Variants in SVIL observed in about 807,000 individuals in gnomAD.
SVIL encodes the protein archvillin.
A neutral mutation model predicts 240.4 loss-of-function variants in SVIL; 101 were observed. The ratio of observed to expected loss-of-function variants is 0.42; its 90% CI spans 0.36 to 0.50. SVIL has a LOEUF of 0.50. Among genes scored for constraint, SVIL ranks in the 20% least tolerant of loss-of-function variants. The pLI is 0.01. For synonymous variants in SVIL, 999 were observed against 1,100.0 expected (o/e 0.91, Z 1.82); for missense variants, 2,512 against 2,818.7 (o/e 0.89, Z 2.46).
chr10:29,624,555 G>A (rs559557409), intron 1 of SVIL, among the ~76,000 whole-genome samples: 3 of 151,944 alleles, frequency 2.0e-5, no homozygotes, highest in African/African-American at 4.8e-5. Flanking sequence ...AACAAAAAAC[G>A]CCTGCTCAAC....
chr10:29,546,665 T>C (rs1440507607), intron 6 of SVIL, among the ~76,000 whole-genome samples: 1 of 152,234 alleles, frequency 6.6e-6, no homozygotes, highest in East Asian at 1.9e-4. Context: ...GTGAGCACAT[T>C]CAAAAACTGA....
intron 1 of SVIL, among the ~76,000 whole-genome samples, chr10:29,598,488 G>C (rs1956683102): frequency 6.6e-6 from 1 of 152,206 alleles, no homozygotes; most frequent in Non-Finnish European, 1.5e-5. Context: ...GTGTGGGACT[G>C]AGGACCAAAA....
At chr10:29,594,194 AAGAATTTGGTGTTTAG>A (rs1302993991) in intron 1 of SVIL, among the ~76,000 whole-genome samples, 2 of 152,234 alleles carry the variant, frequency 1.3e-5, no homozygotes, top group African/African-American at 2.4e-5. Context: ...TGAAACATAA[AAGAATTTGGTGTTTAG>A]ACATCAGTCC....
At position 29,515,732 on chromosome 10, in the gene SVIL, C is replaced by T. The variant is rs182730956; in HGVS notation, c.3390-2871G>A. On this transcript the variant is annotated intron_variant, in intron 16 of 37. Coordinates refer to ENST00000355867, the MANE Select transcript of SVIL (RefSeq NM_021738.3). Reference sequence around the variant, plus strand: ...TTCCTGAGTTGAGTTCATTAAAAGTCATGAGCTCTGGTCTTTGAAGACCTT... The same window carrying T: ...TTCCTGAGTTGAGTTCATTAAAAGTTATGAGCTCTGGTCTTTGAAGACCTT... 3.5e-3 allele frequency among the ~76,000 whole-genome samples: 538 copies of T among 152,284 alleles called. 5 individuals are homozygous for T. The highest frequency in any genetic ancestry group is 0.012 in the African/African-American group (493 of 41,556).
intron 32 of SVIL, among the ~76,000 whole-genome samples, chr10:29,469,647 C>T (rs748008809): frequency 4.6e-5 from 7 of 152,218 alleles, no homozygotes; most frequent in South Asian, 2.1e-4. Flanking sequence ...ACTGCCCTTC[C>T]GGTTCCCCTC....
Position 29,484,935 on chromosome 10 carries a change from CAG to C in SVIL, c.4780-106_4780-105del. The stretch of plus-strand genomic sequence containing the variant: ...TGACAGTGAGTCAAACGGAGGAAGA[CAG>C]AAATCCTAACGGGGCGACCAACACA... On this transcript the variant is annotated intron_variant, in intron 26 of 37. Coordinates refer to ENST00000355867, the MANE Select transcript of SVIL (RefSeq NM_021738.3). This position sits in a 1 kb window ranked among gnomAD's most constrained non-coding sequence, Gnocchi z 4.7. The C allele has an allele frequency of 1.6e-6, 2 of 1,272,326 alleles. No homozygotes were observed. 78.8% of individuals were successfully genotyped at this position (1,272,326 alleles called of 1,614,324 possible).
In SVIL at chr10:29,458,247, T is replaced by C. The variant is rs749516134; in HGVS notation, c.6645A>G (p.Ter2215TrpextTer42). The change falls in exon 38 of 38, where the codon TGA becomes TGG. Residue 2215 changes from the stop codon to tryptophan (W), a stop_lost. Coordinates refer to ENST00000355867, the MANE Select transcript of SVIL (RefSeq NM_021738.3). ...TGAGGCTCCTCTGGCGTCTCCCCAC[T>C]CAGAACAGGCCTTTTGCTTTCTTCA... ...VNLKKAKGLF[*>W] The C allele has an allele frequency of 6.2e-7, 1 of 1,614,118 alleles. No individual in the cohort carries two copies. Among genetic ancestry groups the C allele is most frequent in the Non-Finnish European group, 8.5e-7 (1 of 1,179,992 alleles).
At chr10:29,496,807 A>C (rs1948481833) in intron 18 of SVIL, among the ~76,000 whole-genome samples, 1 of 152,258 alleles carries the variant, frequency 6.6e-6, no homozygotes, top group South Asian at 2.1e-4. Context: ...GTAAGAACCC[A>C]CTTACAAATA....
At chr10:29,681,796 G>A (rs1007940095) in intron 2 of SVIL, among the ~76,000 whole-genome samples, 1 of 152,168 alleles carries the variant, frequency 6.6e-6, no homozygotes, top group Non-Finnish European at 1.5e-5. Flanking sequence ...TAGGCACATT[G>A]CAATAAGGCT....
At chr10:29,535,123 T>C (rs145540055) in intron 7 of SVIL, among the ~76,000 whole-genome samples, 1 of 152,336 alleles carries the variant, frequency 6.6e-6, no homozygotes, top group East Asian at 1.9e-4. Flanking sequence ...CCTATATATT[T>C]TTTTTAACGT....
At chr10:29,501,208 G>A (rs1948864155) in intron 17 of SVIL, among the ~76,000 whole-genome samples, 1 of 145,766 alleles carries the variant, frequency 6.9e-6, no homozygotes, top group East Asian at 2.0e-4. Context: ...GATGGGGTGG[G>A]GGCTACAAAG....
At chr10:29,686,762 G>T (rs1390583060) in intron 1 of SVIL, 1 of 152,140 alleles carries the variant, frequency 6.6e-6, no homozygotes, top group South Asian at 2.1e-4. Context: ...TGGAAATACC[G>T]CACTGCTTCT....
chr10:29,571,838 G>A (rs1385998911), intron 1 of SVIL, among the ~76,000 whole-genome samples: 1 of 152,194 alleles, frequency 6.6e-6, no homozygotes. Flanking sequence ...AGGGCTAGAC[G>A]AGTAGCTTGC....
intron 1 of SVIL, among the ~76,000 whole-genome samples, chr10:29,731,966 G>A (rs1162382967): frequency 6.6e-6 from 1 of 152,216 alleles, no homozygotes; most frequent in Non-Finnish European, 1.5e-5. Flanking sequence ...TTCATCTTCC[G>A]TACAATGGAA....
intron 1 of SVIL, among the ~76,000 whole-genome samples, chr10:29,610,563 G>A (rs1336114922): frequency 2.0e-5 from 3 of 151,258 alleles, no homozygotes; most frequent in Non-Finnish European, 4.4e-5. Flanking sequence ...CAGTTCTCCA[G>A]GCATGCTCCA....
At chr10:29,734,457 T>C (rs1964784635) in intron 1 of SVIL, among the ~76,000 whole-genome samples, 1 of 152,218 alleles carries the variant, frequency 6.6e-6, no homozygotes, top group African/African-American at 2.4e-5. Context: ...GGCAGACTCT[T>C]GGATCTGTTA....
At chr10:29,604,336 A>AT (rs1174079102) in intron 1 of SVIL, among the ~76,000 whole-genome samples, 1 of 113,388 alleles carries the variant, frequency 8.8e-6, no homozygotes, top group East Asian at 3.0e-4. Flanking sequence ...AGTAGCTGGG[A>AT]TTACAGGCAT....
Position 29,660,099 on chromosome 10 carries a change from G to T in SVIL, c.-300-2031C>A, listed in dbSNP as rs770535422. 4.7e-4 allele frequency among the ~76,000 whole-genome samples: 72 copies of T among 152,230 alleles called. 2 individuals are homozygous for T. Among genetic ancestry groups the T allele is most frequent in the Admixed American group, 3.7e-3 (57 of 15,290 alleles). ...TTTGGGAGGCTGAGGCAGGAGGATGGCTTGAGGCCAGGAGTTCAAGACTAA... is the reference window on the plus strand; with the variant it reads ...TTTGGGAGGCTGAGGCAGGAGGATGTCTTGAGGCCAGGAGTTCAAGACTAA... On this transcript the variant is annotated intron_variant, in intron 2 of 35. Transcript: ENST00000375400.
intron 7 of SVIL, 53 bp from the exon 8 acceptor site, chr10:29,533,511 G>A: frequency 6.4e-7 from 1 of 1,557,532 alleles, no homozygotes; most frequent in Non-Finnish European, 8.7e-7. Flanking sequence ...GGCCTCACAG[G>A]AGGAAAGCAT....
Sources: gnomAD v4.1 joint callset for allele counts (sites outside exome capture counted in the v4.1 genomes callset) on GRCh38, gnomAD v4.1.1 for gene constraint, Gnocchi (gnomAD v3.1) non-coding constraint, MANE v1.5 for transcripts, NCBI Gene and HGNC (gene_info 2026-07-23, HGNC 2026-07-21) for gene names.